The following WNK1 variants were observed in gnomAD, a reference collection of about 807,000 sequenced individuals.
The protein encoded by WNK1 is serine/threonine-protein kinase WNK1.
In WNK1, 38 loss-of-function variants were observed where a neutral mutation model predicts 222.8. The ratio of observed to expected loss-of-function variants is 0.17; its 90% CI spans 0.13 to 0.22. The LOEUF (loss-of-function observed/expected upper bound fraction) is 0.22. WNK1 is among the 10% of genes least tolerant of loss of function. The pLI is 1.00. For missense variants in WNK1, 2,348 were observed against 2,918.4 expected (o/e 0.80, Z 4.50); for synonymous variants, 1,090 against 1,092.9 (o/e 1.00, Z 0.05).
chr12:896,285 C>T lies in WNK1; in HGVS notation c.5798C>T (p.Ala1933Val). The stretch of plus-strand genomic sequence containing the variant: ...GCCCACAAAACTACTGCCTCAGAGG[C>T]AAAGTCAGACACTGGGCAGCCTACC... ...ESAHKTTASEAKSDTGQPTKV... is the reference protein window; with the variant it reads ...ESAHKTTASEVKSDTGQPTKV... Residue 1933 changes from alanine (A) to valine (V), a missense_variant, in exon 24 of 28, where the codon GCA becomes GTA. By Grantham distance (64) the Ala-to-Val change is moderately conservative. Around this residue, in one of 13 missense-constraint regions of WNK1, gnomAD observed 1,144 missense variants for 1,273.6 expected, o/e 0.90. Transcript: ENST00000315939. 6.2e-7 allele frequency: 1 copy of T among 1,614,192 alleles called. No homozygotes were observed. Among genetic ancestry groups the T allele is most frequent in the East Asian group, 2.2e-5 (1 of 44,888 alleles).
At chr12:772,404 G>C (rs898483657) in intron 1 of WNK1, among the ~76,000 whole-genome samples, 1 of 117,466 alleles carries the variant, frequency 8.5e-6, no homozygotes, top group East Asian at 2.9e-4. Context: ...TCATAATTGG[G>C]GTGTGTGTGT....
At chr12:772,252 G>A (rs924538794) in intron 1 of WNK1, among the ~76,000 whole-genome samples, 1 of 152,186 alleles carries the variant, frequency 6.6e-6, no homozygotes, top group Non-Finnish European at 1.5e-5. Context: ...TGGTTTCTGT[G>A]TGTTTGAACT....
chr12:852,580 T>C (rs1950497223), intron 4 of WNK1, among the ~76,000 whole-genome samples: 1 of 152,208 alleles, frequency 6.6e-6, no homozygotes, highest in Non-Finnish European at 1.5e-5. Context: ...ACTCTAGTTT[T>C]GTTCTGTGTA....
chr12:771,017 C>T (rs922800707), intron 1 of WNK1, among the ~76,000 whole-genome samples: 5 of 151,802 alleles, frequency 3.3e-5, no homozygotes, highest in East Asian at 1.9e-4. Flanking sequence ...TTTTTGGAGA[C>T]GGAGTCTTCG....
At chr12:894,219 A>G (rs1261047442) in intron 22 of WNK1, among the ~76,000 whole-genome samples, 3 of 152,228 alleles carry the variant, frequency 2.0e-5, no homozygotes, top group African/African-American at 2.4e-5. Context: ...CTCCATCTCA[A>G]TAAAATAAAG....
chr12:765,592 T>TA (rs1941595093), intron 1 of WNK1, among the ~76,000 whole-genome samples: 1 of 120,148 alleles, frequency 8.3e-6, no homozygotes. Context: ...TCTTTTGGAA[T>TA]GTGCTATATC....
At chr12:772,988 G>A (rs555800719) in intron 1 of WNK1, among the ~76,000 whole-genome samples, 4 of 152,236 alleles carry the variant, frequency 2.6e-5, no homozygotes, top group South Asian at 4.1e-4. Context: ...AGCTGGGCAC[G>A]GTGGCTCACA....
chr12:889,007 G>C, intron 20 of WNK1, 133 bp from the exon 21 acceptor site: 1 of 779,106 alleles, frequency 1.3e-6, no homozygotes. Flanking sequence ...GTATAGTTTT[G>C]TATGTTCCAT....
Position 889,133 on chromosome 12 carries a change from C to T in WNK1, c.5365-7C>T. ...GAACTGTATTTACTGTGATTGTTTT[C>T]ATTCAGTCCCAGCAACCTCTAGAGG... On this transcript the variant is annotated splice_polypyrimidine_tract_variant and splice_region_variant and intron_variant, in intron 20 of 27. Coordinates refer to ENST00000315939, the MANE Select transcript of WNK1 (RefSeq NM_018979.4). The T allele has an allele frequency of 1.9e-6, 3 of 1,613,404 alleles. No individual in the cohort carries two copies. The highest frequency in any genetic ancestry group is 2.5e-6 in the Non-Finnish European group (3 of 1,179,336).
intron 6 of WNK1, among the ~76,000 whole-genome samples, chr12:860,037 A>G (rs1951087998): frequency 6.6e-6 from 1 of 152,008 alleles, no homozygotes; most frequent in African/African-American, 2.4e-5. Flanking sequence ...TTGAGAAAAT[A>G]TGTAGATATA....
intron 24 of WNK1, 48 bp from the exon 25 acceptor site, chr12:897,427 CTGAA>C: frequency 8.6e-7 from 1 of 1,164,196 alleles, no homozygotes; most frequent in Non-Finnish European, 1.3e-6. Context: ...TAATTCTTGT[CTGAA>C]TGAAGAGGAT....
chr12:901,371 A>G (rs1285381112), intron 26 of WNK1, among the ~76,000 whole-genome samples: 1 of 152,238 alleles, frequency 6.6e-6, no homozygotes, highest in East Asian at 1.9e-4. Flanking sequence ...AAGCTTCCGC[A>G]TTTTGCAGAT....
At chr12:789,715 CAT>C (rs1045814011) in intron 1 of WNK1, among the ~76,000 whole-genome samples, 1 of 151,972 alleles carries the variant, frequency 6.6e-6, no homozygotes, top group African/African-American at 2.4e-5. Context: ...CTTCTGAAAG[CAT>C]AGAGTTTTCA....
intron 1 of WNK1, among the ~76,000 whole-genome samples, chr12:798,293 G>C (rs1479461644): frequency 4.0e-5 from 6 of 151,636 alleles, no homozygotes; most frequent in Admixed American, 3.9e-4. Context: ...CCGGGTTCAC[G>C]CCATTCTCCC....
At chr12:839,146 G>A (rs942380928) in intron 4 of WNK1, among the ~76,000 whole-genome samples, 16 of 152,202 alleles carry the variant, frequency 1.1e-4, no homozygotes, top group South Asian at 4.1e-4. Flanking sequence ...GGGATATGGT[G>A]TTAAAGAATT....
At chr12:767,292 G>A (rs1281401117) in intron 1 of WNK1, among the ~76,000 whole-genome samples, 4 of 123,268 alleles carry the variant, frequency 3.2e-5, no homozygotes, top group Non-Finnish European at 6.3e-5. Context: ...TTGCTCTGTC[G>A]CTCACGCTGG....
At chr12:791,484 G>C (rs568078593) in intron 1 of WNK1, among the ~76,000 whole-genome samples, 78 of 151,640 alleles carry the variant, frequency 5.1e-4, no homozygotes, top group Non-Finnish European at 7.8e-4. Flanking sequence ...GTAGATCTTT[G>C]CTTTTCTATA....
intron 3 of WNK1, among the ~76,000 whole-genome samples, chr12:828,391 A>G (rs1483968250): frequency 3.3e-5 from 5 of 152,192 alleles, no homozygotes; most frequent in African/African-American, 9.7e-5. Flanking sequence ...GGTTTTATCA[A>G]CTTTTTTCTT....
intron 1 of WNK1, among the ~76,000 whole-genome samples, chr12:788,371 A>G (rs1426256701): frequency 6.6e-6 from 1 of 152,206 alleles, no homozygotes; most frequent in Non-Finnish European, 1.5e-5. Context: ...AACATTGTCC[A>G]TATTTTTAGT....
Sources: gnomAD v4.1 joint callset for allele counts (sites outside exome capture counted in the v4.1 genomes callset) on GRCh38, gnomAD v4.1.1 for gene constraint, gnomAD v4.1.1 regional missense constraint, MANE v1.5 for transcripts, NCBI Gene and HGNC (gene_info 2026-07-23, HGNC 2026-07-21) for gene names.